The following CACNA2D3 variants were observed in gnomAD, a reference collection of about 807,000 sequenced individuals.
CACNA2D3 encodes voltage-dependent calcium channel subunit alpha-2/delta-3.
A neutral mutation model predicts 160.6 loss-of-function variants in CACNA2D3; 60 were observed. That is an observed-to-expected ratio of 0.37 (90% CI 0.30 to 0.46). The LOEUF (loss-of-function observed/expected upper bound fraction) is 0.46, where lower values mean the gene tolerates loss of function less well. CACNA2D3 is among the 20% of genes least tolerant of loss of function. The pLI, the probability that CACNA2D3 is intolerant of heterozygous loss-of-function variation, is 1.00. For missense variants in CACNA2D3, 1,205 were observed against 1,365.0 expected, an observed-to-expected ratio of 0.88 and a Z score of 1.85; for synonymous variants, 558 against 492.9, an observed-to-expected ratio of 1.13 and a Z score of -1.75.
At chr3:54,702,135 T>G (rs1450392631) in intron 11 of CACNA2D3, among the ~76,000 whole-genome samples, 1 of 152,082 alleles carries the variant, frequency 6.6e-6, no homozygotes, top group Non-Finnish European at 1.5e-5. Flanking sequence ...GACTTAAAAG[T>G]AAAACCTAAA....
chr3:54,913,319 A>G (rs992878801), intron 27 of CACNA2D3, among the ~76,000 whole-genome samples: 2 of 152,062 alleles, frequency 1.3e-5, no homozygotes, highest in South Asian at 2.1e-4. Flanking sequence ...TAGATAGTAG[A>G]TATTCCTCCT....
chr3:54,381,551 C>A (rs1042872001), intron 3 of CACNA2D3, among the ~76,000 whole-genome samples: 9 of 152,138 alleles, frequency 5.9e-5, no homozygotes, highest in African/African-American at 2.2e-4. Flanking sequence ...GACGTGGTGT[C>A]CGGTTTTCCG....
chr3:54,796,356 C>A (rs1338742326), intron 13 of CACNA2D3, among the ~76,000 whole-genome samples: 1 of 152,088 alleles, frequency 6.6e-6, no homozygotes, highest in African/African-American at 2.4e-5. Flanking sequence ...TCCCTTAGCA[C>A]CTGGCCTGCC....
intron 14 of CACNA2D3, among the ~76,000 whole-genome samples, chr3:54,817,648 C>T (rs1319010613): frequency 6.6e-6 from 1 of 152,214 alleles, no homozygotes; most frequent in Non-Finnish European, 1.5e-5. Context: ...GGGCACCCCC[C>T]TGAAATTTAA....
intron 11 of CACNA2D3, among the ~76,000 whole-genome samples, chr3:54,678,460 C>T (rs899518114): frequency 1.3e-4 from 20 of 152,148 alleles, no homozygotes; most frequent in African/African-American, 3.9e-4. Flanking sequence ...CGGTGGCTCA[C>T]GCCTGTAATC....
intron 11 of CACNA2D3, among the ~76,000 whole-genome samples, chr3:54,653,651 CAAG>C (rs1229283922): frequency 6.6e-6 from 1 of 152,180 alleles, no homozygotes; most frequent in Non-Finnish European, 1.5e-5. Flanking sequence ...GTGACTCCAG[CAAG>C]AAGAACATGA....
intron 11 of CACNA2D3, among the ~76,000 whole-genome samples, chr3:54,714,548 T>A (rs1701016410): frequency 6.6e-6 from 1 of 152,138 alleles, no homozygotes; most frequent in Non-Finnish European, 1.5e-5. Context: ...GCTTGGAAAG[T>A]GGAAATTGGT....
At chr3:54,294,818 G>A (rs1703303216) in intron 2 of CACNA2D3, among the ~76,000 whole-genome samples, 1 of 152,178 alleles carries the variant, frequency 6.6e-6, no homozygotes, top group African/African-American at 2.4e-5. Flanking sequence ...GGAGTGTGGT[G>A]ATCATTGGCT....
At chr3:54,522,247 G>A (rs375117191) in intron 5 of CACNA2D3, among the ~76,000 whole-genome samples, 114 of 151,830 alleles carry the variant, frequency 7.5e-4, no homozygotes, top group African/African-American at 2.7e-3. Context: ...CAAACCCTTT[G>A]TTAAATTTAT....
intron 3 of CACNA2D3, among the ~76,000 whole-genome samples, chr3:54,333,865 C>T (rs1261676812): frequency 6.6e-6 from 1 of 152,176 alleles, no homozygotes; most frequent in African/African-American, 2.4e-5. Flanking sequence ...GTTAGTTCTC[C>T]AAGCTTGTGT....
At chr3:54,440,496 T>G (rs1700126977) in intron 4 of CACNA2D3, among the ~76,000 whole-genome samples, 1 of 152,162 alleles carries the variant, frequency 6.6e-6, no homozygotes. Context: ...TATTTTTATT[T>G]TTATTATACT....
intron 27 of CACNA2D3, among the ~76,000 whole-genome samples, chr3:54,940,085 A>G (rs548142393): frequency 6.6e-6 from 1 of 152,304 alleles, no homozygotes; most frequent in East Asian, 1.9e-4. Flanking sequence ...GGACAGCTCA[A>G]TCTTCTATGG....
chr3:54,754,484 T>A (rs1701934467), intron 12 of CACNA2D3, among the ~76,000 whole-genome samples: 1 of 152,164 alleles, frequency 6.6e-6, no homozygotes, highest in Non-Finnish European at 1.5e-5. Flanking sequence ...CCTGAGTTAT[T>A]CTCTTGTGTT....
At chr3:55,014,126 T>C (rs565581692) in intron 34 of CACNA2D3, among the ~76,000 whole-genome samples, 1 of 152,286 alleles carries the variant, frequency 6.6e-6, no homozygotes, top group South Asian at 2.1e-4. Flanking sequence ...ATCTGCAAAA[T>C]GGGACAGTAG....
intron 3 of CACNA2D3, among the ~76,000 whole-genome samples, chr3:54,356,168 G>T (rs555595047): frequency 6.6e-6 from 1 of 152,306 alleles, no homozygotes; most frequent in South Asian, 2.1e-4. Context: ...GCTTTTGACA[G>T]GGCCAGGATC....
intron 10 of CACNA2D3, among the ~76,000 whole-genome samples, chr3:54,640,606 G>A (rs1253985821): frequency 6.6e-6 from 1 of 152,180 alleles, no homozygotes; most frequent in African/African-American, 2.4e-5. Context: ...TTACATACCA[G>A]TGAGCGCAAT....
At chr3:54,998,124 ATTCT>A (rs1392479274) in intron 31 of CACNA2D3, among the ~76,000 whole-genome samples, 50 of 142,082 alleles carry the variant, frequency 3.5e-4, no homozygotes, top group African/African-American at 1.1e-3. Flanking sequence ...TAATCAATTA[ATTCT>A]TTTTTTTTTT....
chr3:54,421,094 T>C (rs1699829861), intron 4 of CACNA2D3, among the ~76,000 whole-genome samples: 1 of 152,206 alleles, frequency 6.6e-6, no homozygotes, highest in Admixed American at 6.5e-5. Context: ...TGCTCTTTCC[T>C]GGAAGTTTTG....
intron 3 of CACNA2D3, among the ~76,000 whole-genome samples, chr3:54,377,662 C>T (rs1306663863): frequency 6.6e-6 from 1 of 152,152 alleles, no homozygotes; most frequent in Non-Finnish European, 1.5e-5. Flanking sequence ...TAAGACTTGC[C>T]CAGAGTCAGT....
Sources: allele counts gnomAD v4.1 joint callset (sites outside exome capture counted in the v4.1 genomes callset), GRCh38; gene constraint gnomAD v4.1.1; transcripts MANE v1.5; gene names NCBI Gene and HGNC (gene_info 2026-07-23, HGNC 2026-07-21).